Variants in DMXL1 observed in about 807,000 individuals in gnomAD.
DMXL1 encodes the protein dmX-like protein 1.
A neutral mutation model predicts 319.2 loss-of-function variants in DMXL1; 99 were observed. The ratio of observed to expected loss-of-function variants is 0.31; its 90% CI spans 0.26 to 0.37. The LOEUF is 0.37. DMXL1 is among the 10% of genes least tolerant of loss of function. DMXL1 has a pLI of 1.00. For synonymous variants in DMXL1, 1,385 were observed against 1,235.2 expected (o/e 1.12, Z -2.54); for missense variants, 3,745 against 3,595.6 (o/e 1.04, Z -1.06).
intron 9 of DMXL1, among the ~76,000 whole-genome samples, chr5:119,122,338 G>A (rs1208609940): frequency 7.5e-6 from 1 of 134,090 alleles, no homozygotes; most frequent in African/African-American, 2.8e-5. Flanking sequence ...CCCTCCCGGA[G>A]GGGGCGGCTG....
chr5:119,220,955 G>C lies in DMXL1; in HGVS notation c.8151G>C (p.Leu2717Phe). 1 of 1,613,030 alleles carries C rather than the reference G, an allele frequency of 6.2e-7. No homozygotes were observed. The highest frequency in any genetic ancestry group is 8.5e-7 in the Non-Finnish European group (1 of 1,179,490). Residue 2717 changes from leucine to phenylalanine, a missense_variant, in exon 37 of 44, where the codon TTG becomes TTC. By Grantham distance (22) the Leu-to-Phe change is conservative. Around this residue, in one of 4 missense-constraint regions of DMXL1, gnomAD observed 1,382 missense variants for 1,269.5 expected, o/e 1.09. Coordinates refer to ENST00000539542, the MANE Select transcript of DMXL1 (RefSeq NM_001290321.3). ...TCCTTTATAGATCAGAAGATTTCTT[G>C]GTTATACATGCTCGTGATGATTTAA... Reference protein sequence around the residue: ...EVETKGSEDFLVIHARDDLTA... With the variant: ...EVETKGSEDFFVIHARDDLTA...
chr5:119,076,099 A>G lies in DMXL1; in HGVS notation c.87+4443A>G, dbSNP rs572768453. On this transcript the variant is annotated intron_variant, in intron 1 of 43. Transcript: ENST00000539542. ...AGAGACAGAAAGATTGTACCAATAT[A>G]TAAGACTAACTGTCTCTGATTTGGA... 2.6e-5 allele frequency among the ~76,000 whole-genome samples: 4 copies of G among 152,296 alleles called. No individual in the cohort carries two copies. In the South Asian group the frequency reaches 8.3e-4, roughly 32 times the overall value.
intron 13 of DMXL1, among the ~76,000 whole-genome samples, chr5:119,135,223 A>G (rs1348140737): frequency 6.6e-6 from 1 of 152,160 alleles, no homozygotes; most frequent in Non-Finnish European, 1.5e-5. Flanking sequence ...ATGGGAATTT[A>G]GATGTGAAGA....
chr5:119,189,806 C>T lies in DMXL1; in HGVS notation c.7234C>T (p.Pro2412Ser), dbSNP rs144357797. Residue 2412 changes from proline to serine, a missense_variant, in exon 29 of 44, where the codon CCA becomes TCA. Physicochemically the swap from Pro to Ser is moderately conservative, Grantham distance 74 (BLOSUM62 -1). Transcript: ENST00000539542. ...TGCCCCACTGACCCCTTCCTCGGCA[C>T]CAGTAAGCCAGGAGTCACTGGCGGT... ...ESAPLTPSSA[P>S]VSQESLAVKE... 63 of 1,614,120 alleles carry T rather than the reference C, an allele frequency of 3.9e-5. No homozygotes were observed. The African/African-American group carries it at 7.6e-4, about 19-fold the overall frequency.
chr5:119,236,307 A>G lies in DMXL1; in HGVS notation c.8467-1015A>G, dbSNP rs538908589. 3 of 152,198 alleles carry G rather than the reference A, an allele frequency of 2.0e-5. No individual in the cohort carries two copies. In the South Asian group the frequency reaches 6.2e-4, roughly 31 times the overall value. 9.4% of individuals were successfully genotyped at this position (152,198 alleles called of 1,614,324 possible). The stretch of plus-strand genomic sequence containing the variant: ...ATAGGATTTAATTTTGGCATAGTCT[A>G]TTAATTTTAAGTGATGCTCTTTAAC... On this transcript the variant is annotated intron_variant, in intron 39 of 43. Transcript: ENST00000539542.
chr5:119,133,883 G>T lies in DMXL1; in HGVS notation c.1959G>T (p.Leu653=). ...LACHSVLPLL[L]TTSHHNALRT... The stretch of plus-strand genomic sequence containing the variant: ...GCCACTCAGTATTACCATTATTGCT[G>T]ACAACATCACACCATAATGCATTAA... Residue 653 remains leucine (L), a synonymous_variant, in exon 12 of 44, where the codon CTG becomes CTT. Transcript: ENST00000539542. The T allele has an allele frequency of 6.2e-7, 1 of 1,614,026 alleles. No individual in the cohort carries two copies. Among genetic ancestry groups the T allele is most frequent in the African/African-American group, 1.3e-5 (1 of 75,008 alleles).
At chr5:119,190,506 A>T (rs963231616) in intron 29 of DMXL1, among the ~76,000 whole-genome samples, 4 of 152,240 alleles carry the variant, frequency 2.6e-5, no homozygotes, top group African/African-American at 9.6e-5. Context: ...ACAGCAAAGC[A>T]TGCAGTTGTT....
chr5:119,112,606 A>G (rs1260384311), intron 5 of DMXL1, among the ~76,000 whole-genome samples: 1 of 152,132 alleles, frequency 6.6e-6, no homozygotes, highest in Admixed American at 6.5e-5. Context: ...CACCCCTCAG[A>G]TAGGTAATGG....
At chr5:119,220,417 T>C in intron 35 of DMXL1, 55 bp from the exon 36 acceptor site, 2 of 1,561,970 alleles carry the variant, frequency 1.3e-6, no homozygotes, top group Non-Finnish European at 8.8e-7. Context: ...AAGCAGCTCA[T>C]ATACTATCTC....
intron 3 of DMXL1, chr5:119,104,369 A>G (rs1757893316): frequency 6.6e-6 from 1 of 152,220 alleles, no homozygotes; most frequent in Non-Finnish European, 1.5e-5. Flanking sequence ...CTGGGGTGTT[A>G]AAGTACAGGT....
intron 1 of DMXL1, among the ~76,000 whole-genome samples, chr5:119,096,161 G>A (rs955244938): frequency 1.3e-5 from 2 of 150,182 alleles, no homozygotes; most frequent in African/African-American, 4.9e-5. Context: ...AGGAATTAAG[G>A]TGTATATGAA....
At chr5:119,136,253 A>G (rs1389005054) in intron 13 of DMXL1, among the ~76,000 whole-genome samples, 1 of 152,230 alleles carries the variant, frequency 6.6e-6, no homozygotes, top group Non-Finnish European at 1.5e-5. Context: ...AGAAATTTCT[A>G]AGCAGCAAAG....
At chr5:119,245,507 C>G (rs1339568514) in intron 43 of DMXL1, among the ~76,000 whole-genome samples, 1 of 150,706 alleles carries the variant, frequency 6.6e-6, no homozygotes, top group Admixed American at 6.6e-5. Context: ...TGGACTGACT[C>G]TCTAGTTTAG....
intron 8 of DMXL1, among the ~76,000 whole-genome samples, chr5:119,120,490 C>T (rs1317324882): frequency 2.0e-5 from 3 of 152,170 alleles, no homozygotes; most frequent in African/African-American, 7.2e-5. Flanking sequence ...TTTGCACTGC[C>T]TGCCTCATGG....
intron 9 of DMXL1, among the ~76,000 whole-genome samples, chr5:119,124,911 C>A (rs1388153234): frequency 1.3e-5 from 2 of 151,938 alleles, no homozygotes; most frequent in Non-Finnish European, 2.9e-5. Context: ...TTGCTTGTTA[C>A]CAAAATTTGT....
At chr5:119,105,342 C>A in intron 4 of DMXL1, 84 bp downstream of exon 4, 1 of 1,100,598 alleles carries the variant, frequency 9.1e-7, no homozygotes, top group Non-Finnish European at 1.4e-6. Flanking sequence ...TATTTCACTT[C>A]TGCTGGGTGT....
chr5:119,135,241 T>A (rs541249744), intron 13 of DMXL1, among the ~76,000 whole-genome samples: 3 of 152,186 alleles, frequency 2.0e-5, no homozygotes, highest in South Asian at 4.1e-4. Flanking sequence ...AGAAAACAGG[T>A]AAAAATTTGT....
intron 1 of DMXL1, chr5:119,081,427 C>G (rs1752167453): frequency 3.4e-6 from 1 of 296,094 alleles, no homozygotes; most frequent in South Asian, 1.3e-4. Context: ...TAGCTAAAAT[C>G]TTTACCTGAG....
At chr5:119,119,386 C>T (rs1382934908) in intron 8 of DMXL1, among the ~76,000 whole-genome samples, 2 of 152,132 alleles carry the variant, frequency 1.3e-5, no homozygotes, top group African/African-American at 2.4e-5. Context: ...ACCCACCCCA[C>T]CCCCAGAACT....
Sources: gnomAD v4.1 joint callset for allele counts (sites outside exome capture counted in the v4.1 genomes callset) on GRCh38, gnomAD v4.1.1 for gene constraint, gnomAD v4.1.1 regional missense constraint, MANE v1.5 for transcripts, NCBI Gene and HGNC (gene_info 2026-07-23, HGNC 2026-07-21) for gene names.